The following ODAD2 variants were observed in gnomAD, a reference collection of about 807,000 sequenced individuals.
The protein encoded by ODAD2 is outer dynein arm docking complex subunit 2, also known as outer dynein arm-docking complex subunit 2.
A neutral mutation model predicts 106.8 loss-of-function variants in ODAD2; 89 were observed. The ratio of observed to expected loss-of-function variants is 0.83; its 90% CI spans 0.70 to 0.99. The LOEUF (loss-of-function observed/expected upper bound fraction) is 0.99. Ranked by LOEUF, ODAD2 falls within the 50% of genes least tolerant of loss-of-function variation. The pLI, the probability that ODAD2 is intolerant of heterozygous loss-of-function variation, is 0.00. For missense variants in ODAD2, 1,168 were observed against 1,238.5 expected (o/e 0.94, Z 0.85); for synonymous variants, 404 against 436.2 (o/e 0.93, Z 0.92).
At chr10:27,876,930 CT>C (rs1358963067) in intron 17 of ODAD2, among the ~76,000 whole-genome samples, 1 of 152,132 alleles carries the variant, frequency 6.6e-6, no homozygotes, top group Non-Finnish European at 1.5e-5. Flanking sequence ...TAATAATTTT[CT>C]TACAGATACT....
chr10:27,852,688 C>A (rs1589826610), intron 19 of ODAD2, among the ~76,000 whole-genome samples: 1 of 152,274 alleles, frequency 6.6e-6, no homozygotes, highest in Admixed American at 6.5e-5. Context: ...TGGCCGGGCA[C>A]AGTGGCTCAC....
At chr10:27,825,942 A>AACAAG (rs1186266940) in intron 19 of ODAD2, among the ~76,000 whole-genome samples, 1 of 152,244 alleles carries the variant, frequency 6.6e-6, no homozygotes, top group African/African-American at 2.4e-5. Context: ...ATAGAAAACA[A>AACAAG]ACAAGACAAA....
intron 17 of ODAD2, among the ~76,000 whole-genome samples, chr10:27,886,760 GAA>G (rs1482718872): frequency 6.6e-6 from 1 of 151,996 alleles, no homozygotes; most frequent in African/African-American, 2.4e-5. Flanking sequence ...TGGGTGGAGA[GAA>G]AAGTGGAGTT....
intron 16 of ODAD2, among the ~76,000 whole-genome samples, chr10:27,928,619 G>T (rs1050183231): frequency 4.6e-5 from 7 of 151,996 alleles, no homozygotes; most frequent in Admixed American, 2.6e-4. Flanking sequence ...GCCATTTAAG[G>T]CCCCTTGTTT....
intron 17 of ODAD2, among the ~76,000 whole-genome samples, chr10:27,869,923 C>A (rs939394935): frequency 6.6e-6 from 1 of 152,070 alleles, no homozygotes; most frequent in Admixed American, 6.6e-5. Flanking sequence ...GGAGTGACAC[C>A]TCTAAGCTAC....
chr10:27,871,853 C>T (rs1209697042), intron 17 of ODAD2, among the ~76,000 whole-genome samples: 1 of 152,056 alleles, frequency 6.6e-6, no homozygotes, highest in East Asian at 1.9e-4. Context: ...TTTTTTGGTT[C>T]CACATGAACT....
intron 16 of ODAD2, among the ~76,000 whole-genome samples, chr10:27,911,562 A>G (rs1303392553): frequency 2.0e-5 from 3 of 152,128 alleles, no homozygotes; most frequent in South Asian, 2.1e-4. Context: ...ATGAACACAG[A>G]CAGAAGACAC....
At chr10:27,912,852 C>T (rs1407573306) in intron 16 of ODAD2, among the ~76,000 whole-genome samples, 1 of 151,920 alleles carries the variant, frequency 6.6e-6, no homozygotes, top group African/African-American at 2.4e-5. Context: ...AATGATCATC[C>T]CTGGGAAAAA....
intron 17 of ODAD2, among the ~76,000 whole-genome samples, chr10:27,883,970 C>G (rs762721066): frequency 2.7e-5 from 4 of 149,676 alleles, no homozygotes; most frequent in Non-Finnish European, 4.4e-5. Context: ...TATGAGCATT[C>G]TAGAAAAAAG....
chr10:27,838,013 T>C (rs1476414629), intron 19 of ODAD2, among the ~76,000 whole-genome samples: 1 of 152,166 alleles, frequency 6.6e-6, no homozygotes, highest in Non-Finnish European at 1.5e-5. Context: ...CCTAAGAATC[T>C]AAGATTTTTG....
At chr10:27,891,280 T>C (rs559376963) in intron 17 of ODAD2, among the ~76,000 whole-genome samples, 1 of 152,252 alleles carries the variant, frequency 6.6e-6, no homozygotes, top group Admixed American at 6.5e-5. Flanking sequence ...GAAATTAACT[T>C]CTCTTCTCTT....
chr10:27,848,455 C>T (rs1337325942), intron 19 of ODAD2, among the ~76,000 whole-genome samples: 1 of 151,954 alleles, frequency 6.6e-6, no homozygotes, highest in East Asian at 1.9e-4. Flanking sequence ...CCATACAAAC[C>T]CTAGAGGAAA....
chr10:27,855,094 G>T (rs1839567235), intron 19 of ODAD2, among the ~76,000 whole-genome samples: 1 of 152,112 alleles, frequency 6.6e-6, no homozygotes, highest in African/African-American at 2.4e-5. Flanking sequence ...AGTTTCATGT[G>T]TATGTGTGGG....
intron 16 of ODAD2, among the ~76,000 whole-genome samples, chr10:27,933,847 A>C (rs1203496488): frequency 6.6e-6 from 1 of 152,160 alleles, no homozygotes; most frequent in Non-Finnish European, 1.5e-5. Context: ...AACACTGGAG[A>C]CTAAGATTCC....
chr10:27,834,945 C>T (rs899768271), intron 19 of ODAD2, among the ~76,000 whole-genome samples: 6 of 151,224 alleles, frequency 4.0e-5, no homozygotes, highest in African/African-American at 1.5e-4. Context: ...CTATATTATG[C>T]AGCTCTACAC....
intron 2 of ODAD2, among the ~76,000 whole-genome samples, chr10:27,989,386 A>G (rs1445640572): frequency 6.6e-6 from 1 of 152,238 alleles, no homozygotes; most frequent in Non-Finnish European, 1.5e-5. Flanking sequence ...TAGACTTGCC[A>G]ATGACATGCA....
chr10:27,945,616 A>G (rs1846855202), intron 10 of ODAD2, among the ~76,000 whole-genome samples: 1 of 152,210 alleles, frequency 6.6e-6, no homozygotes, highest in Non-Finnish European at 1.5e-5. Flanking sequence ...AAAGAGTAGT[A>G]GTGAGATGCT....
At chr10:27,900,994 C>A (rs1451652341) in intron 17 of ODAD2, among the ~76,000 whole-genome samples, 7 of 152,060 alleles carry the variant, frequency 4.6e-5, no homozygotes, top group Non-Finnish European at 8.8e-5. Flanking sequence ...AGAAGAACAA[C>A]CCCAAGACAC....
chr10:27,941,500 G>GA (rs11371318), intron 12 of ODAD2, among the ~76,000 whole-genome samples: 22,937 of 132,018 alleles, frequency 0.17, 2,752 homozygotes, highest in African/African-American at 0.37. Flanking sequence ...CCAAAAAAAA[G>GA]AAAAAAAAAA....
Sources: gnomAD v4.1 joint callset for allele counts (sites outside exome capture counted in the v4.1 genomes callset) on GRCh38, gnomAD v4.1.1 for gene constraint, MANE v1.5 for transcripts, NCBI Gene and HGNC (gene_info 2026-07-23, HGNC 2026-07-21) for gene names.